The following BAZ2B variants were observed in gnomAD, a reference collection of about 807,000 sequenced individuals.
The protein encoded by BAZ2B is bromodomain adjacent to zinc finger domain protein 2B.
A neutral mutation model predicts 246.0 loss-of-function variants in BAZ2B; 91 were observed. The ratio of observed to expected loss-of-function variants is 0.37; its 90% confidence interval spans 0.31 to 0.44. The LOEUF (loss-of-function observed/expected upper bound fraction) is 0.44, where lower values mean the gene tolerates loss of function less well. Among genes scored for constraint, BAZ2B ranks in the 20% least tolerant of loss-of-function variants. The probability of loss-of-function intolerance (pLI) is 1.00; values close to 1 mark genes in which losing one functional copy is unlikely to be tolerated. For missense variants in BAZ2B, 2,332 were observed against 2,533.7 expected, an observed-to-expected ratio of 0.92 and a Z score of 1.71; for synonymous variants, 855 against 860.0, an observed-to-expected ratio of 0.99 and a Z score of 0.10.
In BAZ2B at chr2:159,382,809, A is replaced by C; in HGVS notation, c.3762-7T>G. The C allele has an allele frequency of 6.2e-7, 1 of 1,608,902 alleles. No homozygotes were observed. The highest frequency in any genetic ancestry group is 8.5e-7 in the Non-Finnish European group (1 of 1,177,506). On this transcript the variant is annotated splice_region_variant and splice_polypyrimidine_tract_variant and intron_variant, in intron 24 of 36. Transcript: ENST00000392783. ...AGCATGAATGATTCTGAGCCTTTAA[A>C]TATTATGAAAAGTGATGACAAGGAA... is the stretch of plus-strand genomic sequence containing the variant.
At chr2:159,318,335 C>T (rs767207724), downstream of BAZ2B, among the ~76,000 whole-genome samples, 1 of 152,216 alleles carries the variant, frequency 6.6e-6, no homozygotes, top group Non-Finnish European at 1.5e-5. Context: ...CAGAAACTGA[C>T]ATATTTACAT....
chr2:159,451,282 T>G (rs1230606772), intron 4 of BAZ2B, among the ~76,000 whole-genome samples: 1 of 152,138 alleles, frequency 6.6e-6, no homozygotes, highest in Non-Finnish European at 1.5e-5. Context: ...TTAAATAAAT[T>G]TACATTTATT....
intron 1 of BAZ2B, among the ~76,000 whole-genome samples, chr2:159,564,741 C>A (rs976915710): frequency 6.6e-6 from 1 of 152,066 alleles, no homozygotes; most frequent in East Asian, 1.9e-4. Context: ...AGTAAGGAAC[C>A]AAGAGTGTGA....
chr2:159,552,515 G>A (rs528742080), intron 2 of BAZ2B, among the ~76,000 whole-genome samples: 9 of 152,200 alleles, frequency 5.9e-5, no homozygotes, highest in African/African-American at 1.4e-4. Context: ...ATAATGCATC[G>A]TTTTATAGGT....
chr2:159,339,267 G>A (rs1463441216), intron 31 of BAZ2B, among the ~76,000 whole-genome samples: 3 of 152,004 alleles, frequency 2.0e-5, no homozygotes, highest in Non-Finnish European at 2.9e-5. Flanking sequence ...GCACTGAGAC[G>A]ATCACCAGCA....
intron 2 of BAZ2B, among the ~76,000 whole-genome samples, chr2:159,526,576 C>G (rs1191826825): frequency 1.3e-5 from 2 of 152,072 alleles, no homozygotes; most frequent in Non-Finnish European, 2.9e-5. Flanking sequence ...AATATGCTAA[C>G]ACAAACACTT....
At chr2:159,562,020 T>C (rs2151504251) in intron 1 of BAZ2B, among the ~76,000 whole-genome samples, 1 of 152,348 alleles carries the variant, frequency 6.6e-6, no homozygotes, top group East Asian at 1.9e-4. Context: ...TTTGGTCAGC[T>C]GGGCAGAATT....
chr2:159,590,787 T>G (rs1689227491), intron 1 of BAZ2B, among the ~76,000 whole-genome samples: 1 of 152,138 alleles, frequency 6.6e-6, no homozygotes, highest in Non-Finnish European at 1.5e-5. Flanking sequence ...TTTAGCAATC[T>G]CTAGTAGTTC....
At chr2:159,461,134 T>G (rs1453935556) in intron 3 of BAZ2B, 1 of 149,322 alleles carries the variant, frequency 6.7e-6, no homozygotes, top group Non-Finnish European at 1.5e-5. Flanking sequence ...CACAAACACG[T>G]TTTTTTTTTA....
chr2:159,494,899 GT>G (rs1207986885), intron 2 of BAZ2B, among the ~76,000 whole-genome samples: 1 of 142,224 alleles, frequency 7.0e-6, no homozygotes, highest in Non-Finnish European at 1.6e-5. Context: ...ATACTCTAGA[GT>G]AGGTTGGAGC....
intron 2 of BAZ2B, among the ~76,000 whole-genome samples, chr2:159,495,572 T>C (rs1359275394): frequency 6.9e-6 from 1 of 145,730 alleles, no homozygotes; most frequent in African/African-American, 2.6e-5. Context: ...TAGAATCCAA[T>C]ATTAATTATA....
At chr2:159,323,131 T>C (rs1036403052) in intron 36 of BAZ2B, among the ~76,000 whole-genome samples, 1 of 151,694 alleles carries the variant, frequency 6.6e-6, no homozygotes, top group Non-Finnish European at 1.5e-5. Flanking sequence ...ACTACAGGCA[T>C]ACACCACCAT....
At chr2:159,327,730 T>C (rs996429962) in intron 34 of BAZ2B, among the ~76,000 whole-genome samples, 9 of 152,218 alleles carry the variant, frequency 5.9e-5, no homozygotes, top group African/African-American at 1.9e-4. Context: ...AAAATATTAC[T>C]TGGGATAATT....
At chr2:159,686,870 G>A in the BAZ2B span, among the ~76,000 whole-genome samples, 19 of 152,008 alleles carry the variant, frequency 1.2e-4, no homozygotes, top group East Asian at 2.7e-3. Context: ...GTGAAACCCT[G>A]TCTCTACTAA....
chr2:159,577,381 ATAG>A (rs1369337573), intron 1 of BAZ2B, among the ~76,000 whole-genome samples: 1 of 152,216 alleles, frequency 6.6e-6, no homozygotes, highest in African/African-American at 2.4e-5. Context: ...TTAGCTCCAA[ATAG>A]TAGAATTTTA....
intron 2 of BAZ2B, among the ~76,000 whole-genome samples, chr2:159,544,144 G>C (rs2087001160): frequency 6.6e-6 from 1 of 152,014 alleles, no homozygotes; most frequent in South Asian, 2.1e-4. Flanking sequence ...AATTAGGCTT[G>C]ATCATATTTA....
chr2:159,708,342 A>G, the BAZ2B span, among the ~76,000 whole-genome samples: 886 of 152,238 alleles, frequency 5.8e-3, 10 homozygotes, highest in African/African-American at 0.021. Flanking sequence ...AGCATTCTAT[A>G]TATTTCAGGC....
intron 2 of BAZ2B, among the ~76,000 whole-genome samples, chr2:159,539,985 T>C (rs1450981622): frequency 6.6e-6 from 1 of 152,184 alleles, no homozygotes; most frequent in East Asian, 1.9e-4. Context: ...CAATTCTACC[T>C]GACTACCTGT....
chr2:159,363,283 C>G (rs144603273), intron 27 of BAZ2B, among the ~76,000 whole-genome samples: 1 of 152,122 alleles, frequency 6.6e-6, no homozygotes, highest in African/African-American at 2.4e-5. Flanking sequence ...GTGAAATGGA[C>G]TAGATCCACA....
Sources: allele counts gnomAD v4.1 joint callset (sites outside exome capture counted in the v4.1 genomes callset), GRCh38; gene constraint gnomAD v4.1.1; transcripts MANE v1.5; gene names NCBI Gene and HGNC (gene_info 2026-07-23, HGNC 2026-07-21).